Variants in CYP51A1 observed in about 807,000 individuals in gnomAD.
The protein encoded by CYP51A1 is cytochrome P450 family 51 subfamily A member 1.
In CYP51A1, 45 loss-of-function variants were observed where a neutral mutation model predicts 53.5. That is an observed-to-expected ratio of 0.84 (90% CI 0.66 to 1.08). The LOEUF (loss-of-function observed/expected upper bound fraction) is 1.08, where lower values mean the gene tolerates loss of function less well. Among genes scored for constraint, CYP51A1 ranks in the 50% least tolerant of loss-of-function variants. CYP51A1 has a pLI of 0.00. For synonymous variants in CYP51A1, 181 were observed against 217.7 expected (o/e 0.83, Z 1.48); for missense variants, 462 against 621.7 (o/e 0.74, Z 2.73).
chr7:92,113,789 C>T lies in CYP51A1; in HGVS notation c.1406G>A (p.Trp469Ter). The T allele has an allele frequency of 1.2e-6, 2 of 1,611,270 alleles. No homozygotes were observed. The highest frequency in any genetic ancestry group is 1.7e-6 in the Non-Finnish European group (2 of 1,178,840). ...TTCATATAAACGAAGCATAGTGGAC[C>T]AAATTGTCTTAATTTGAACATAGGC... Reference protein sequence around the residue: ...NFAYVQIKTIWSTMLRLYEFD... With the variant: ...NFAYVQIKTI The change falls in exon 10 of 10, where the codon TGG (tryptophan) becomes TAG (stop). Residue 469 changes from tryptophan (W) to a stop codon, truncating the protein, a stop_gained. Coordinates refer to ENST00000003100, the MANE Select transcript of CYP51A1 (RefSeq NM_000786.4). LOFTEE classifies it high-confidence loss of function.
chr7:92,129,118 T>A lies in CYP51A1; in HGVS notation c.292-62A>T, dbSNP rs567551219. ...AAATATGCAACACTACGACAGTAAC[T>A]TTTTAAAATCACAAAATAATGCATT... On this transcript the variant is annotated intron_variant, in intron 2 of 9. Transcript: ENST00000003100. The A allele has an allele frequency of 2.4e-5, 25 of 1,056,860 alleles. No individual in the cohort carries two copies. The South Asian group carries it at 4.7e-4, about 20-fold the overall frequency. The allele number at this position is 1,056,860 out of a possible 1,614,324, so 65.5% of individuals were successfully genotyped here.
intron 8 of CYP51A1, chr7:92,117,570 A>G (rs1819602937): frequency 6.1e-6 from 1 of 164,336 alleles, no homozygotes; most frequent in African/African-American, 2.4e-5. Flanking sequence ...TTCACTATCA[A>G]TTTGTACACT....
rs1407172507 is a variant in CYP51A1 at position 92,134,167 on chromosome 7, A to T, written c.192+6T>A. 10 of 1,611,082 alleles carry T rather than the reference A, an allele frequency of 6.2e-6. No individual in the cohort carries two copies. Among genetic ancestry groups the T allele is most frequent in the Non-Finnish European group, 8.5e-6 (10 of 1,179,546 alleles). On this transcript the variant is annotated splice_donor_region_variant and intron_variant, in intron 1 of 9. Transcript: ENST00000003100. The stretch of plus-strand genomic sequence containing the variant: ...GCCCCACTCAGACCCTAAAGAATGT[A>T]CGTACCACCCCTGCGGGCAGCTGGA...
At chr7:92,130,190 G>A (rs1166257570) in intron 2 of CYP51A1, among the ~76,000 whole-genome samples, 3 of 152,150 alleles carry the variant, frequency 2.0e-5, no homozygotes, top group Admixed American at 6.5e-5. Context: ...CAGACTGTCC[G>A]TGTTCAAATC....
chr7:92,120,484 C>A (rs6973792), intron 7 of CYP51A1, among the ~76,000 whole-genome samples: 54,988 of 152,046 alleles, frequency 0.36, 10,235 homozygotes, highest in Middle Eastern at 0.39. Flanking sequence ...GACAGGGTTT[C>A]GCTATGTTGC....
chr7:92,129,047 C>A lies in CYP51A1; in HGVS notation c.301G>T (p.Val101Leu). Residue 101 changes from valine to leucine, a missense_variant, in exon 3 of 10, where the codon GTA (valine) becomes TTA (leucine). Transcript: ENST00000003100. ...TTGCCTACCATGGTAAAACTAAATACAGGTCCATACTAAAAAGAGAAAAGT... is the reference window on the plus strand; with the variant it reads ...TTGCCTACCATGGTAAAACTAAATAAAGGTCCATACTAAAAAGAGAAAAGT... ...LENAYEKYGP[V>L]FSFTMVGKTF... The A allele has an allele frequency of 6.2e-7, 1 of 1,609,590 alleles. No homozygotes were observed. The highest frequency in any genetic ancestry group is 8.5e-7 in the Non-Finnish European group (1 of 1,177,738).
intron 1 of CYP51A1, among the ~76,000 whole-genome samples, chr7:92,132,220 A>C (rs1277633066): frequency 6.6e-6 from 1 of 152,220 alleles, no homozygotes; most frequent in Non-Finnish European, 1.5e-5. Context: ...AAAACCAAAA[A>C]GGTCAAACTA....
upstream of CYP51A1, chr7:92,134,734 G>A (rs1820011906): frequency 9.0e-6 from 2 of 222,418 alleles, no homozygotes; most frequent in South Asian, 1.2e-4. Flanking sequence ...GCGGGGTGCC[G>A]GGACACGGCG....
chr7:92,123,324 T>A lies in CYP51A1; in HGVS notation c.891-9A>T. 13 of 1,601,366 alleles carry A rather than the reference T, an allele frequency of 8.1e-6. No individual in the cohort carries two copies. The highest frequency in any genetic ancestry group is 1.1e-5 in the Non-Finnish European group (13 of 1,173,408). ...TCAAAGGACGCCCATCCCTAAGGAATGAACCAAAGACACAAATTTAACATT... is the reference window on the plus strand; with the variant it reads ...TCAAAGGACGCCCATCCCTAAGGAAAGAACCAAAGACACAAATTTAACATT... On this transcript the variant is annotated splice_polypyrimidine_tract_variant and intron_variant, in intron 6 of 9. Coordinates refer to ENST00000003100, the MANE Select transcript of CYP51A1 (RefSeq NM_000786.4).
intron 2 of CYP51A1, among the ~76,000 whole-genome samples, chr7:92,131,196 C>G (rs1329533493): frequency 2.0e-5 from 3 of 152,156 alleles, no homozygotes; most frequent in Non-Finnish European, 4.4e-5. Context: ...AGGAGTTGCA[C>G]AAGCAAACCA....
chr7:92,131,929 A>C (rs1418580312), intron 1 of CYP51A1, 57 bp from the exon 2 acceptor site: 1 of 1,102,932 alleles, frequency 9.1e-7, no homozygotes, highest in Non-Finnish European at 1.4e-6. Flanking sequence ...AGAGAAACCC[A>C]GTTTCGTTTC....
At chr7:92,125,875 A>T (rs540348959) in intron 5 of CYP51A1, among the ~76,000 whole-genome samples, 4 of 152,302 alleles carry the variant, frequency 2.6e-5, no homozygotes, top group African/African-American at 7.2e-5. Context: ...ACGTGCCTGT[A>T]GTCCCAGCTC....
In CYP51A1 at chr7:92,113,386, G is replaced by C. The variant is rs1270250807; in HGVS notation, c.*279C>G. ...TACTATCTGGAAATTATATTATTTA[G>C]AATCTGCCAATTACCTAGATCCCCC... On this transcript the variant is annotated 3_prime_UTR_variant, in exon 10 of 10. Transcript: ENST00000003100. 3.2e-6 allele frequency: 1 copy of C among 312,244 alleles called. No individual in the cohort carries two copies. Among genetic ancestry groups the C allele is most frequent in the Non-Finnish European group, 5.8e-6 (1 of 172,082 alleles). The allele number at this position is 312,244 out of a possible 1,614,324, so 19.3% of individuals were successfully genotyped here.
intron 2 of CYP51A1, among the ~76,000 whole-genome samples, chr7:92,129,571 C>A (rs912700099): frequency 1.3e-5 from 2 of 152,116 alleles, no homozygotes; most frequent in African/African-American, 4.8e-5. Context: ...CACTAAATGA[C>A]TTCATTTTTT....
At chr7:92,129,397 T>C (rs1338999610) in intron 2 of CYP51A1, among the ~76,000 whole-genome samples, 1 of 152,206 alleles carries the variant, frequency 6.6e-6, no homozygotes. Context: ...TCTTTAGTTA[T>C]TACAGCTAAT....
chr7:92,119,700 CA>C (rs1483989656), intron 7 of CYP51A1, among the ~76,000 whole-genome samples: 2 of 151,848 alleles, frequency 1.3e-5, no homozygotes, highest in Non-Finnish European at 2.9e-5. Flanking sequence ...GTACAGTTTT[CA>C]ACAAAAAAAT....
In CYP51A1 at chr7:92,123,123, G is replaced by T. The variant is rs1584633951; in HGVS notation, c.1083C>A (p.Asp361Glu). ...CGENLPPLTYDQLKDLNLLDR... is the reference protein window; with the variant it reads ...CGENLPPLTYEQLKDLNLLDR... ...GAAACTGAAAAATCCAACAAACCTG[G>T]TCATAAGTTAAAGGAGGCAGATTCT... The change falls in exon 7 of 10, where the codon GAC becomes GAA. Residue 361 changes from aspartate to glutamate, a missense_variant. Coordinates refer to ENST00000003100, the MANE Select transcript of CYP51A1 (RefSeq NM_000786.4). The T allele has an allele frequency of 1.2e-6, 2 of 1,609,548 alleles. No individual in the cohort carries two copies. The highest frequency in any genetic ancestry group is 4.5e-5 in the East Asian group (2 of 44,790).
intron 1 of CYP51A1, among the ~76,000 whole-genome samples, chr7:92,132,076 A>T (rs566653625): frequency 6.6e-6 from 1 of 152,350 alleles, no homozygotes; most frequent in East Asian, 1.9e-4. Flanking sequence ...AAAAGAACAG[A>T]AACTCAAAAC....
chr7:92,132,953 A>G (rs1438112285), intron 1 of CYP51A1, among the ~76,000 whole-genome samples: 1 of 152,232 alleles, frequency 6.6e-6, no homozygotes, highest in African/African-American at 2.4e-5. Flanking sequence ...ACCTCACAGT[A>G]CACCTCAGCT....
Sources: allele counts gnomAD v4.1 joint callset (sites outside exome capture counted in the v4.1 genomes callset), GRCh38; gene constraint gnomAD v4.1.1; transcripts MANE v1.5; gene names NCBI Gene and HGNC (gene_info 2026-07-23, HGNC 2026-07-21).